STIM2: variants seen among roughly 807,000 people sequenced by gnomAD.
STIM2 encodes stromal interaction molecule 2.
A neutral mutation model predicts 85.8 loss-of-function variants in STIM2; 31 were observed. The ratio of observed to expected loss-of-function variants is 0.36; its 90% CI spans 0.27 to 0.49. The LOEUF (loss-of-function observed/expected upper bound fraction) is 0.49, where lower values mean the gene tolerates loss of function less well. STIM2 is among the 20% of genes least tolerant of loss of function. The pLI is 0.98. For missense variants in STIM2, 841 were observed against 927.6 expected (o/e 0.91, Z 1.21); for synonymous variants, 356 against 331.1 (o/e 1.08, Z -0.82).
chr4:26,941,463 T>TA (rs1349154817), intron 2 of STIM2, among the ~76,000 whole-genome samples: 4 of 152,104 alleles, frequency 2.6e-5, no homozygotes, highest in Non-Finnish European at 5.9e-5. Context: ...ACAGAGCATA[T>TA]GTTTGGTGAT....
intron 1 of STIM2, among the ~76,000 whole-genome samples, chr4:26,880,435 A>G (rs1461824013): frequency 6.6e-6 from 1 of 151,880 alleles, no homozygotes; most frequent in African/African-American, 2.4e-5. Context: ...ACATTTTAAT[A>G]TGCTTATTAA....
chr4:26,986,718 A>G (rs190855910), intron 3 of STIM2, among the ~76,000 whole-genome samples: 27 of 152,362 alleles, frequency 1.8e-4, no homozygotes, highest in African/African-American at 6.0e-4. Flanking sequence ...TCTGGAGCCA[A>G]GGATTCACCA....
chr4:26,984,494 G>T (rs1727511050), intron 3 of STIM2, among the ~76,000 whole-genome samples: 1 of 152,126 alleles, frequency 6.6e-6, no homozygotes, highest in Non-Finnish European at 1.5e-5. Context: ...CTGAGTAGCT[G>T]GGATTACAGG....
chr4:26,968,268 A>T (rs1306710388), intron 3 of STIM2, among the ~76,000 whole-genome samples: 1 of 152,202 alleles, frequency 6.6e-6, no homozygotes, highest in Non-Finnish European at 1.5e-5. Context: ...ATCTTGAGCA[A>T]GATTTAAGTG....
At chr4:26,905,107 C>A (rs954399823) in intron 1 of STIM2, among the ~76,000 whole-genome samples, 1 of 151,882 alleles carries the variant, frequency 6.6e-6, no homozygotes, top group Non-Finnish European at 1.5e-5. Flanking sequence ...AGGAAGGAGG[C>A]ATTGGAGTTG....
chr4:26,901,487 T>C lies in STIM2; in HGVS notation c.152-18017T>C, dbSNP rs576998425. 2.0e-5 allele frequency among the ~76,000 whole-genome samples: 3 copies of C among 152,328 alleles called. No homozygotes were observed. In the East Asian group the frequency reaches 5.8e-4, roughly 29 times the overall value. ...CCTTGGAAAATCAGAACATTTTCTT[T>C]TAAAAACATTTATTACATATCCTCA... On this transcript the variant is annotated intron_variant, in intron 1 of 11. Transcript: ENST00000467087.
chr4:26,975,517 C>A (rs1157589889), intron 3 of STIM2, among the ~76,000 whole-genome samples: 2 of 152,214 alleles, frequency 1.3e-5, no homozygotes, highest in Non-Finnish European at 2.9e-5. Context: ...TTGGAGTTTG[C>A]TGCAGTTCCA....
intron 8 of STIM2, chr4:27,008,143 C>T (rs1728434653): frequency 1.0e-5 from 6 of 591,270 alleles, no homozygotes; most frequent in Non-Finnish European, 1.2e-5. Context: ...AGCTAATGTT[C>T]TTCTGTTACT....
At chr4:27,008,384 A>AT in intron 8 of STIM2, 44 bp from the exon 9 acceptor site, 3 of 1,245,942 alleles carry the variant, frequency 2.4e-6, no homozygotes, top group East Asian at 2.5e-5. Flanking sequence ...AAATGTCTGT[A>AT]TTTTTTTCAA....
chr4:26,989,698 T>G (rs930669593), intron 3 of STIM2, among the ~76,000 whole-genome samples: 7 of 152,182 alleles, frequency 4.6e-5, no homozygotes, highest in African/African-American at 1.7e-4. Flanking sequence ...GGGGACATGA[T>G]CTTATATTTA....
In STIM2 at chr4:26,979,242, T is replaced by C. The variant is rs1313696410; in HGVS notation, c.398-16137T>C. Among the ~76,000 whole-genome samples the C allele has an allele frequency of 3.3e-5, 5 of 152,294 alleles. No homozygotes were observed. In the East Asian group the frequency reaches 9.7e-4, roughly 29 times the overall value. On this transcript the variant is annotated intron_variant, in intron 3 of 11. Transcript: ENST00000467087. ...TATTGTTAAAGATGAAACATAGGTA[T>C]TTTTAAAAGCATCAATGGAGGAGGA...
chr4:26,862,657 G>A (rs1722263225), intron 1 of STIM2, among the ~76,000 whole-genome samples: 1 of 152,154 alleles, frequency 6.6e-6, no homozygotes, highest in Admixed American at 6.5e-5. Context: ...AGCATATCAA[G>A]CCCTATTAAA....
chr4:26,919,692 T>A, intron 2 of STIM2, 58 bp downstream of exon 2: 2 of 1,572,780 alleles, frequency 1.3e-6, no homozygotes. Context: ...TGCATTTCTG[T>A]TTCTGGTCTT....
At chr4:26,973,594 G>T (rs1386390390) in intron 3 of STIM2, among the ~76,000 whole-genome samples, 1 of 152,162 alleles carries the variant, frequency 6.6e-6, no homozygotes, top group African/African-American at 2.4e-5. Context: ...TCGCACTGTG[G>T]TCTGAGAGGC....
At chr4:26,870,128 A>G (rs1015400822) in intron 1 of STIM2, among the ~76,000 whole-genome samples, 9 of 152,176 alleles carry the variant, frequency 5.9e-5, no homozygotes, top group African/African-American at 1.9e-4. Context: ...ACCAGGGGCT[A>G]GGGAAAGGAG....
intron 3 of STIM2, among the ~76,000 whole-genome samples, chr4:26,974,238 A>AT (rs1727092261): frequency 6.6e-6 from 1 of 152,166 alleles, no homozygotes. Flanking sequence ...TTTTATATTT[A>AT]AGGTTAATAT....
intron 11 of STIM2, 43 bp from the exon 12 acceptor site, chr4:27,022,476 C>G (rs1341099550): frequency 6.7e-7 from 1 of 1,482,426 alleles, no homozygotes; most frequent in South Asian, 1.3e-5. Context: ...CTCTTAAGAA[C>G]ATACTGATTT....
intron 1 of STIM2, among the ~76,000 whole-genome samples, chr4:26,886,299 C>CT (rs1723248506): frequency 6.6e-6 from 1 of 152,084 alleles, no homozygotes; most frequent in Non-Finnish European, 1.5e-5. Context: ...TCATTGAACA[C>CT]TTACAGATAT....
Position 27,023,166 on chromosome 4 carries a change from TTATTTAAGTGACTATATATAA to T in STIM2, c.*172_*192del, listed in dbSNP as rs1728970926. On this transcript the variant is annotated 3_prime_UTR_variant, in exon 12 of 12. Coordinates refer to ENST00000467087, the MANE Select transcript of STIM2 (RefSeq NM_020860.4). ...AGAAGGGCAACTGTCTACTGTCTGC[TTATTTAAGTGACTATATATAA>T]TCAATTCATCAAGCCAGTTATTACT... The T allele has an allele frequency of 3.1e-6, 2 of 648,268 alleles. No homozygotes were observed. Among genetic ancestry groups the T allele is most frequent in the African/African-American group, 3.6e-5 (2 of 54,986 alleles). The allele number at this position is 648,268 out of a possible 1,614,324, so 40.2% of individuals were successfully genotyped here.
Sources: allele counts gnomAD v4.1 joint callset (sites outside exome capture counted in the v4.1 genomes callset), GRCh38; gene constraint gnomAD v4.1.1; transcripts MANE v1.5; gene names NCBI Gene and HGNC (gene_info 2026-07-23, HGNC 2026-07-21).